The following LPP variants were observed in gnomAD, a reference collection of about 807,000 sequenced individuals.
LPP encodes LIM domain containing preferred translocation partner in lipoma, also known as lipoma-preferred partner.
In LPP, 38 loss-of-function variants were observed where a neutral mutation model predicts 60.4. The observed-to-expected ratio is 0.63, with a 90% confidence interval of 0.49 to 0.83. The LOEUF (loss-of-function observed/expected upper bound fraction) is 0.83. Ranked by LOEUF, LPP falls within the 40% of genes least tolerant of loss-of-function variation. The pLI is 0.00. For synonymous variants in LPP, 328 were observed against 290.8 expected, an observed-to-expected ratio of 1.13 and a Z score of -1.30; for missense variants, 902 against 783.6, an observed-to-expected ratio of 1.15 and a Z score of -1.80.
intron 8 of LPP, among the ~76,000 whole-genome samples, chr3:188,757,773 C>A (rs1730747019): frequency 6.6e-6 from 1 of 152,130 alleles, no homozygotes; most frequent in Admixed American, 6.5e-5. Flanking sequence ...TCCATTTACT[C>A]CTAATCCCTA....
rs565232000 is a variant in LPP at position 188,878,673 on chromosome 3, A to G, written c.*4194A>G. 1 of 204,512 alleles carries G rather than the reference A, an allele frequency of 4.9e-6. No individual in the cohort carries two copies. Among genetic ancestry groups the G allele is most frequent in the African/African-American group, 2.3e-5 (1 of 43,736 alleles). 12.7% of individuals were successfully genotyped at this position (204,512 alleles called of 1,614,324 possible). ...CCTTATTTTCAAAGAATCTATTTAC[A>G]CTACTATGAATATTCCACTGAAGAG... is the stretch of plus-strand genomic sequence containing the variant. On this transcript the variant is annotated 3_prime_UTR_variant, in exon 12 of 12. Coordinates refer to ENST00000617246, the MANE Select transcript of LPP (RefSeq NM_001375462.1).
Position 188,623,044 on chromosome 3 carries a change from AAAAG to A in LPP, c.1113+13202_1113+13205del, listed in dbSNP as rs1308383647. Reference sequence around the variant, plus strand: ...CTCCATCTTAAAAAAAAAAAAAAAAAAAAGAGAGAGCTAACATCTTCACTTTTTA... The same window carrying A: ...CTCCATCTTAAAAAAAAAAAAAAAAAAGAGAGCTAACATCTTCACTTTTTA... On this transcript the variant is annotated intron_variant, in intron 7 of 11. Coordinates refer to ENST00000617246, the MANE Select transcript of LPP (RefSeq NM_001375462.1). 8.9e-4 allele frequency among the ~76,000 whole-genome samples: 46 copies of A among 51,836 alleles called. 1 individual carries two copies. In the East Asian group the frequency reaches 0.029, roughly 32 times the overall value. 34.0% of individuals were successfully genotyped at this position (51,836 alleles called of 152,430 possible). A position where few individuals can be genotyped will look rare whatever the true frequency, so the allele number is the denominator to read the frequency against.
chr3:188,604,154 A>G (rs1029921689), intron 6 of LPP, among the ~76,000 whole-genome samples: 3 of 152,102 alleles, frequency 2.0e-5, no homozygotes, highest in Non-Finnish European at 4.4e-5. Context: ...TCTGAGTGCA[A>G]TGAGTGTGAC....
chr3:188,547,944 G>A (rs1827106137), intron 6 of LPP, among the ~76,000 whole-genome samples: 2 of 152,152 alleles, frequency 1.3e-5, no homozygotes, highest in African/African-American at 2.4e-5. Context: ...CTAGTGTTGT[G>A]AAAACCACTC....
intron 9 of LPP, among the ~76,000 whole-genome samples, chr3:188,806,876 A>G (rs1288046853): frequency 6.6e-6 from 1 of 151,912 alleles, no homozygotes; most frequent in East Asian, 1.9e-4. Flanking sequence ...ATATTCTATA[A>G]ATACACAGCA....
chr3:188,316,245 T>G (rs1379656076), intron 2 of LPP, among the ~76,000 whole-genome samples: 1 of 152,120 alleles, frequency 6.6e-6, no homozygotes, highest in East Asian at 1.9e-4. Flanking sequence ...GCCATTGCAC[T>G]CCAGCCTGGA....
At chr3:188,527,462 G>A (rs116143378) in intron 6 of LPP, among the ~76,000 whole-genome samples, 215 of 152,030 alleles carry the variant, frequency 1.4e-3, no homozygotes, top group African/African-American at 5.1e-3. Flanking sequence ...TGTAGATAAT[G>A]GGATTATTTG....
chr3:188,280,681 G>A lies in LPP; in HGVS notation c.-67+55154G>A, dbSNP rs192612754. Among the ~76,000 whole-genome samples the A allele has an allele frequency of 2.0e-3, 297 of 152,132 alleles. 1 individual carries two copies. The highest frequency in any genetic ancestry group is 3.4e-3 in the Middle Eastern group (1 of 294). ...GTGATTTGTGAGTCTTTGAAAGGAAGTAGTGTTCACCAAGAGCCAGAACAG... is the reference window on the plus strand; with the variant it reads ...GTGATTTGTGAGTCTTTGAAAGGAAATAGTGTTCACCAAGAGCCAGAACAG... On this transcript the variant is annotated intron_variant, in intron 2 of 11. Coordinates refer to ENST00000617246, the MANE Select transcript of LPP (RefSeq NM_001375462.1).
chr3:188,625,522 T>A (rs1846673093), intron 7 of LPP, among the ~76,000 whole-genome samples: 1 of 152,190 alleles, frequency 6.6e-6, no homozygotes, highest in Admixed American at 6.6e-5. Flanking sequence ...CTTTTACAGA[T>A]GATGAAACAT....
intron 6 of LPP, among the ~76,000 whole-genome samples, chr3:188,592,553 T>TTTTTTTGTTGTTGTTG (rs1553936328): frequency 6.6e-5 from 8 of 121,344 alleles, no homozygotes; most frequent in Middle Eastern, 4.6e-3. Flanking sequence ...TTAGTTTTGT[T>TTTTTTTGTTGTTGTTG]TTTGTTTTTT....
At chr3:188,670,859 C>T (rs976203442) in intron 7 of LPP, among the ~76,000 whole-genome samples, 6 of 152,184 alleles carry the variant, frequency 3.9e-5, no homozygotes, top group African/African-American at 1.4e-4. Flanking sequence ...ATTTGGAGCG[C>T]TACCATGATT....
At chr3:188,277,488 G>A (rs193094399) in intron 2 of LPP, among the ~76,000 whole-genome samples, 4 of 152,006 alleles carry the variant, frequency 2.6e-5, no homozygotes, top group South Asian at 2.1e-4. Context: ...TTCCTTTTCC[G>A]GAAAGTCTCA....
chr3:188,625,230 T>C (rs867122799), intron 7 of LPP, among the ~76,000 whole-genome samples: 2 of 152,176 alleles, frequency 1.3e-5, no homozygotes, highest in Non-Finnish European at 2.9e-5. Context: ...GAAATAAATA[T>C]GTTGCCTTTG....
intron 2 of LPP, among the ~76,000 whole-genome samples, chr3:188,336,800 G>C (rs1578177009): frequency 6.6e-6 from 1 of 152,140 alleles, no homozygotes; most frequent in Non-Finnish European, 1.5e-5. Context: ...CCACTGCTCA[G>C]TTTTCCAAGG....
intron 1 of LPP, among the ~76,000 whole-genome samples, chr3:188,162,357 G>T (rs933177010): frequency 6.6e-6 from 1 of 152,154 alleles, no homozygotes; most frequent in Non-Finnish European, 1.5e-5. Flanking sequence ...CAAAACTCCT[G>T]TCTTGTTCCT....
chr3:188,249,112 G>A (rs1021525026), intron 2 of LPP, among the ~76,000 whole-genome samples: 16 of 152,146 alleles, frequency 1.1e-4, no homozygotes, highest in East Asian at 7.7e-4. Context: ...AAATAGCCAG[G>A]TGCTATTTTA....
At chr3:188,253,304 T>C (rs1282734489) in intron 2 of LPP, among the ~76,000 whole-genome samples, 2 of 152,230 alleles carry the variant, frequency 1.3e-5, no homozygotes, top group African/African-American at 2.4e-5. Flanking sequence ...TTCTGGACTT[T>C]GTTCGTAGTT....
chr3:188,784,293 A>G (rs1333244371), intron 9 of LPP, among the ~76,000 whole-genome samples: 1 of 143,706 alleles, frequency 7.0e-6, no homozygotes, highest in Non-Finnish European at 1.5e-5. Flanking sequence ...CATCATATAT[A>G]TATATTCCAT....
chr3:188,619,740 A>C (rs1207871178), intron 7 of LPP, among the ~76,000 whole-genome samples: 1 of 152,216 alleles, frequency 6.6e-6, no homozygotes, highest in African/African-American at 2.4e-5. Context: ...CATGAAATTT[A>C]GATTCTTATT....
Sources: gnomAD v4.1 joint callset for allele counts (sites outside exome capture counted in the v4.1 genomes callset) on GRCh38, gnomAD v4.1.1 for gene constraint, MANE v1.5 for transcripts, NCBI Gene and HGNC (gene_info 2026-07-23, HGNC 2026-07-21) for gene names.